Variants in SYNPR observed in about 807,000 individuals in gnomAD.
SYNPR encodes synaptoporin.
SYNPR carries 23 observed loss-of-function variants against 32.9 expected under a neutral mutation model. The observed-to-expected ratio is 0.70, with a 90% CI of 0.50 to 0.99. SYNPR has a LOEUF of 0.99. Ranked by LOEUF, SYNPR falls within the 50% of genes least tolerant of loss-of-function variation. The pLI, the probability that SYNPR is intolerant of heterozygous loss-of-function variation, is 0.00. For missense variants in SYNPR, 318 were observed against 349.3 expected, an observed-to-expected ratio of 0.91 and a Z score of 0.71; for synonymous variants, 146 against 135.9, an observed-to-expected ratio of 1.07 and a Z score of -0.52.
intron 2 of SYNPR, among the ~76,000 whole-genome samples, chr3:63,329,864 G>T (rs1365188678): frequency 6.6e-6 from 1 of 152,108 alleles, no homozygotes; most frequent in Non-Finnish European, 1.5e-5. Context: ...CCACAAAGGG[G>T]TCCTTTGCTT....
At chr3:63,605,370 C>T (rs1351202969) in intron 4 of SYNPR, among the ~76,000 whole-genome samples, 2 of 152,136 alleles carry the variant, frequency 1.3e-5, no homozygotes, top group African/African-American at 4.8e-5. Context: ...TACACGATGG[C>T]CCTAAGGGAT....
chr3:63,353,183 C>T (rs184953204), intron 2 of SYNPR, among the ~76,000 whole-genome samples: 24 of 152,284 alleles, frequency 1.6e-4, no homozygotes, highest in African/African-American at 5.8e-4. Context: ...CTGCCAAGTG[C>T]CAGGCAGTGT....
rs191587644 is a variant in SYNPR at position 63,261,950 on chromosome 3, C to T, written n.155-5367C>T. On this transcript the variant is annotated intron_variant and non_coding_transcript_variant, in intron 2 of 4. Coordinates refer to the SYNPR transcript ENST00000478456. ...TTAAATGATGAGTTAATGGGTGCAG[C>T]ATACCAACATGGCACATGTATACAT... Among the ~76,000 whole-genome samples, 534 of 151,932 alleles carry T rather than the reference C, an allele frequency of 3.5e-3. 1 individual carries two copies. The highest frequency in any genetic ancestry group is 0.01 in the Middle Eastern group (3 of 292).
intron 1 of SYNPR, among the ~76,000 whole-genome samples, chr3:63,233,920 C>T (rs530904240): frequency 6.6e-6 from 1 of 152,214 alleles, no homozygotes; most frequent in East Asian, 1.9e-4. Flanking sequence ...TTAGAAATGA[C>T]TGAGGAGACA....
At chr3:63,436,495 C>T (rs1345992882) in intron 2 of SYNPR, among the ~76,000 whole-genome samples, 1 of 152,040 alleles carries the variant, frequency 6.6e-6, no homozygotes, top group Non-Finnish European at 1.5e-5. Flanking sequence ...ATATGTAAAA[C>T]CTGAGTCGCC....
chr3:63,526,208 C>T (rs927542876), intron 3 of SYNPR, among the ~76,000 whole-genome samples: 53 of 152,206 alleles, frequency 3.5e-4, no homozygotes, highest in African/African-American at 1.3e-3. Flanking sequence ...AAACCACATC[C>T]GAACCATTGT....
intron 2 of SYNPR, chr3:63,452,256 C>T (rs1014466480): frequency 5.7e-6 from 3 of 526,890 alleles, no homozygotes; most frequent in Non-Finnish European, 1.0e-5. Flanking sequence ...CATGGTCTCA[C>T]GTAAGACTTG....
In SYNPR at chr3:63,240,093, G is replaced by T. The variant is rs77117822; in HGVS notation, n.66+11713G>T. 9.5e-4 allele frequency among the ~76,000 whole-genome samples: 144 copies of T among 152,080 alleles called. 1 individual carries two copies. The East Asian group carries it at 0.025, about 26-fold the overall frequency. The stretch of plus-strand genomic sequence containing the variant: ...TCTACTGCATCCCTTTCTTCCCTTT[G>T]TATCTTATCTCCTTACTCCTCATGA... On this transcript the variant is annotated intron_variant and non_coding_transcript_variant, in intron 1 of 4. Coordinates refer to the SYNPR transcript ENST00000478456.
chr3:63,454,627 A>C (rs190761587), intron 2 of SYNPR, among the ~76,000 whole-genome samples: 210 of 152,248 alleles, frequency 1.4e-3, no homozygotes, highest in Non-Finnish European at 1.9e-3. Context: ...TGTGGGAGAC[A>C]CAGACAAAGG....
chr3:63,381,294 C>A (rs907583614), intron 2 of SYNPR, among the ~76,000 whole-genome samples: 8 of 152,072 alleles, frequency 5.3e-5, no homozygotes, highest in Non-Finnish European at 1.2e-4. Context: ...GAGTGAACTC[C>A]CATTCACAAT....
upstream of SYNPR, among the ~76,000 whole-genome samples, chr3:63,276,867 G>A (rs528630654): frequency 1.3e-5 from 2 of 150,104 alleles, no homozygotes; most frequent in East Asian, 2.0e-4. Context: ...ACTGATTTCC[G>A]TATTTCTCAT....
chr3:63,612,933 T>G (rs1700221783), intron 5 of SYNPR, among the ~76,000 whole-genome samples: 1 of 135,374 alleles, frequency 7.4e-6, no homozygotes, highest in Non-Finnish European at 1.6e-5. Flanking sequence ...TTCTCCTCTC[T>G]TCTCCTCTCC....
At chr3:63,475,467 G>C (rs1390110621) in intron 2 of SYNPR, among the ~76,000 whole-genome samples, 1 of 152,160 alleles carries the variant, frequency 6.6e-6, no homozygotes, top group East Asian at 1.9e-4. Context: ...ACTTGAATGG[G>C]TAAATGGACT....
At chr3:63,366,159 A>G (rs1267457902) in intron 2 of SYNPR, among the ~76,000 whole-genome samples, 2 of 152,228 alleles carry the variant, frequency 1.3e-5, no homozygotes, top group African/African-American at 2.4e-5. Flanking sequence ...TCTGGTACTC[A>G]TTAACCCATA....
At chr3:63,469,556 C>G (rs1700757885) in intron 2 of SYNPR, among the ~76,000 whole-genome samples, 1 of 152,208 alleles carries the variant, frequency 6.6e-6, no homozygotes, top group Non-Finnish European at 1.5e-5. Flanking sequence ...TCTCTCTAAT[C>G]AGGTGTCAGA....
At chr3:63,245,027 G>A (rs2086273883) in intron 1 of SYNPR, among the ~76,000 whole-genome samples, 2 of 152,086 alleles carry the variant, frequency 1.3e-5, no homozygotes, top group Non-Finnish European at 2.9e-5. Flanking sequence ...AAACATAAAA[G>A]AAAGACGTTT....
At chr3:63,464,965 G>A (rs1700650636) in intron 2 of SYNPR, among the ~76,000 whole-genome samples, 1 of 152,154 alleles carries the variant, frequency 6.6e-6, no homozygotes, top group Non-Finnish European at 1.5e-5. Context: ...GAGTTGATGG[G>A]ATACTTATGT....
At chr3:63,211,241 T>A in the SYNPR span, among the ~76,000 whole-genome samples, 1 of 152,168 alleles carries the variant, frequency 6.6e-6, no homozygotes, top group Admixed American at 6.5e-5. Context: ...CTAATTTTTA[T>A]ATTTTTAGTA....
intron 2 of SYNPR, among the ~76,000 whole-genome samples, chr3:63,416,847 C>A (rs2088548742): frequency 6.6e-6 from 1 of 152,192 alleles, no homozygotes; most frequent in South Asian, 2.1e-4. Flanking sequence ...GAAAAACCTG[C>A]CCCCATGATT....
Sources: allele counts gnomAD v4.1 joint callset (sites outside exome capture counted in the v4.1 genomes callset), GRCh38; gene constraint gnomAD v4.1.1; transcripts MANE v1.5; gene names NCBI Gene and HGNC (gene_info 2026-07-23, HGNC 2026-07-21).